Variants in IQCE observed in about 807,000 individuals in gnomAD.
IQCE encodes IQ motif containing E.
Under a neutral mutation model 96.0 loss-of-function variants are expected in IQCE, and 115 were observed. The observed-to-expected ratio is 1.20, with a 90% CI of 1.03 to 1.40. The LOEUF is 1.40. Among genes scored for constraint, IQCE ranks in the 40% most tolerant of loss-of-function variants. The pLI is 0.00. For synonymous variants in IQCE, 412 were observed against 371.2 expected, an observed-to-expected ratio of 1.11 and a Z score of -1.26; for missense variants, 1,041 against 909.1, an observed-to-expected ratio of 1.15 and a Z score of -1.87.
At chr7:2,577,735 A>G (rs1394031809) in intron 6 of IQCE, among the ~76,000 whole-genome samples, 38 of 53,836 alleles carry the variant, frequency 7.1e-4, no homozygotes, top group Middle Eastern at 0.017. Context: ...TGTGCGGCGT[A>G]TACGCATTGG....
chr7:2,583,013 G>T (rs1238879266), intron 9 of IQCE, among the ~76,000 whole-genome samples: 4 of 152,034 alleles, frequency 2.6e-5, no homozygotes, highest in African/African-American at 9.7e-5. Flanking sequence ...GTCTTTCTGG[G>T]CTGTGTTTTG....
At position 2,595,815 on chromosome 7, in the gene IQCE, T is replaced by C. The variant is rs544933543; in HGVS notation, c.1440+839T>C. On this transcript the variant is annotated intron_variant, in intron 16 of 21. Transcript: ENST00000402050. ...TTCCTGGAGGGTCGCAGCCATGCTC[T>C]GCTCACCATGGCCGGTGCTGCACTT... Among the ~76,000 whole-genome samples, 368 of 149,326 alleles carry C rather than the reference T, an allele frequency of 2.5e-3. 2 individuals carry two copies. Among genetic ancestry groups the C allele is most frequent in the African/African-American group, 8.5e-3 (344 of 40,360 alleles).
rs186124294 is a variant in IQCE at position 2,596,061 on chromosome 7, C to G, written c.1440+1085C>G. ...GCATGTTCAGACGAAAAGCAAGGAA[C>G]TTGGTGTCACCATCCTGAGGCTGCA... On this transcript the variant is annotated intron_variant, in intron 16 of 21. Coordinates refer to ENST00000402050, the MANE Select transcript of IQCE (RefSeq NM_152558.5). Among the ~76,000 whole-genome samples the G allele has an allele frequency of 6.3e-3, 964 of 152,340 alleles. 9 individuals are homozygous for G. Among genetic ancestry groups the G allele is most frequent in the South Asian group, 0.027 (130 of 4,834 alleles).
At chr7:2,565,133 A>T (rs112845164) in intron 1 of IQCE, among the ~76,000 whole-genome samples, 9 of 147,140 alleles carry the variant, frequency 6.1e-5, no homozygotes, top group East Asian at 4.0e-4. Context: ...CATGTGTGTG[A>T]GTGTGTGTGT....
In IQCE at chr7:2,593,031, G is replaced by A. The variant is rs190207830; in HGVS notation, c.1254G>A (p.Val418=). Residue 418 remains valine (V), a synonymous_variant, in exon 15 of 22, where the codon GTG becomes GTA. Coordinates refer to ENST00000402050, the MANE Select transcript of IQCE (RefSeq NM_152558.5). ...QEQLLQRDLE[V]KQLLQAKADL... Reference sequence around the variant, plus strand: ...CTATTCTTGTGTGCAGTTTGGAGGTGAAGCAGCTCCTGCAGGCGAAGGCCG... The same window carrying A: ...CTATTCTTGTGTGCAGTTTGGAGGTAAAGCAGCTCCTGCAGGCGAAGGCCG... 3 of 1,607,060 alleles carry A rather than the reference G, an allele frequency of 1.9e-6. No homozygotes were observed. The highest frequency in any genetic ancestry group is 4.5e-5 in the East Asian group (2 of 44,690).
At position 2,567,104 on chromosome 7, in the gene IQCE, C is replaced by T; in HGVS notation, c.37-12C>T. ...TGCCGTCGAGTTACAGTGTTTGCCT[C>T]TCTTCCTCCAGGGAGATGACAGTCT... On this transcript the variant is annotated splice_polypyrimidine_tract_variant and intron_variant, in intron 1 of 21. Coordinates refer to ENST00000402050, the MANE Select transcript of IQCE (RefSeq NM_152558.5). 6.2e-7 allele frequency: 1 copy of T among 1,613,362 alleles called. No individual in the cohort carries two copies.
chr7:2,572,827 A>T (rs1781857836), intron 5 of IQCE: 1 of 441,818 alleles, frequency 2.3e-6, no homozygotes, highest in South Asian at 1.6e-5. Context: ...TACAGGCATG[A>T]GCCACCGTGC....
intron 3 of IQCE, among the ~76,000 whole-genome samples, chr7:2,571,178 C>A (rs1433284961): frequency 6.6e-6 from 1 of 152,038 alleles, no homozygotes; most frequent in Non-Finnish European, 1.5e-5. Flanking sequence ...GCCACCACAC[C>A]CAGCTAATTT....
In IQCE at chr7:2,612,897, G is replaced by A. The variant is rs1053117975; in HGVS notation, c.*2735G>A. ...AAAGTAGACAACTCCCGGGGGAGAC[G>A]AAGTAGAGAGTGAGTCCCCAAGAAA... On this transcript the variant is annotated 3_prime_UTR_variant, in exon 22 of 22. Coordinates refer to ENST00000402050, the MANE Select transcript of IQCE (RefSeq NM_152558.5). 1 of 152,148 alleles carries A rather than the reference G, an allele frequency of 6.6e-6. No homozygotes were observed. Among genetic ancestry groups the A allele is most frequent in the Non-Finnish European group, 1.5e-5 (1 of 68,018 alleles). The allele number at this position is 152,148 out of a possible 1,614,324, so 9.4% of individuals were successfully genotyped here.
chr7:2,570,627 T>A (rs1165632218), intron 3 of IQCE, among the ~76,000 whole-genome samples: 1 of 152,164 alleles, frequency 6.6e-6, no homozygotes, highest in African/African-American at 2.4e-5. Context: ...TTTCAGACCC[T>A]ACTGACATAC....
chr7:2,584,459 T>C (rs1583450280), intron 11 of IQCE, 174 bp downstream of exon 11: 3 of 699,098 alleles, frequency 4.3e-6, no homozygotes, highest in East Asian at 5.2e-5. Flanking sequence ...CCATTTGCAG[T>C]GTTCACAGAC....
chr7:2,605,005 G>A lies in IQCE; in HGVS notation c.1743+14G>A. 6.3e-7 allele frequency: 1 copy of A among 1,578,500 alleles called. No homozygotes were observed. Among genetic ancestry groups the A allele is most frequent in the South Asian group, 1.1e-5 (1 of 90,278 alleles). ...CTCCCAGACCAGGTAATGTCGGGGT[G>A]CTGGACGTCCCAGTGGCCATCTGCA... On this transcript the variant is annotated intron_variant, in intron 19 of 21. Transcript: ENST00000402050.
intron 4 of IQCE, among the ~76,000 whole-genome samples, 167 bp from the exon 5 acceptor site, chr7:2,572,021 TATTA>T (rs1287324206): frequency 2.0e-5 from 3 of 152,204 alleles, no homozygotes; most frequent in Non-Finnish European, 4.4e-5. Flanking sequence ...ATCAGGACTG[TATTA>T]ATTGATATTT....
At chr7:2,576,421 C>CT (rs931209279) in intron 6 of IQCE, among the ~76,000 whole-genome samples, 23 of 148,538 alleles carry the variant, frequency 1.5e-4, no homozygotes, top group South Asian at 6.7e-4. Flanking sequence ...CTTTTTTTTT[C>CT]TTTTTTTTTG....
chr7:2,605,707 C>T (rs1472503457), intron 19 of IQCE, among the ~76,000 whole-genome samples, 169 bp from the exon 20 acceptor site: 1 of 152,098 alleles, frequency 6.6e-6, no homozygotes, highest in Non-Finnish European at 1.5e-5. Flanking sequence ...TCAGAACCTG[C>T]CACCAGGAGG....
rs10235545 is a variant in IQCE, at chr7:2,594,750, A to G, written c.1350-136A>G. 0.011 allele frequency: 7,505 copies of G among 696,676 alleles called. 384 individuals carry two copies. The African/African-American group carries it at 0.11, about 11-fold the overall frequency. 43.2% of individuals were successfully genotyped at this position (696,676 alleles called of 1,614,324 possible). A position where few individuals can be genotyped will look rare whatever the true frequency, so the allele number is the denominator to read the frequency against. ...CTGGAGCCCTGTGGCTCAGGGAGAC[A>G]TGGCCCCACCAGCTCTCTACAGGCT... On this transcript the variant is annotated intron_variant, in intron 15 of 21. Coordinates refer to ENST00000402050, the MANE Select transcript of IQCE (RefSeq NM_152558.5).
At chr7:2,578,983 T>A (rs1562639190) in intron 8 of IQCE, among the ~76,000 whole-genome samples, 1 of 150,994 alleles carries the variant, frequency 6.6e-6, no homozygotes, top group Non-Finnish European at 1.5e-5. Flanking sequence ...TGCTTGAACC[T>A]GTATGGCAGA....
chr7:2,594,157 G>C (rs1401931924), intron 15 of IQCE, among the ~76,000 whole-genome samples: 1 of 152,234 alleles, frequency 6.6e-6, no homozygotes, highest in Non-Finnish European at 1.5e-5. Context: ...CTACTTGGGA[G>C]GCTGAGGCAG....
chr7:2,593,299 G>C (rs759206771), intron 15 of IQCE, among the ~76,000 whole-genome samples, 173 bp downstream of exon 15: 5 of 152,256 alleles, frequency 3.3e-5, no homozygotes, highest in African/African-American at 4.8e-5. Context: ...ACCTCTTGGT[G>C]CTGAGCAGGG....
Sources: gnomAD v4.1 joint callset for allele counts (sites outside exome capture counted in the v4.1 genomes callset) on GRCh38, gnomAD v4.1.1 for gene constraint, MANE v1.5 for transcripts, NCBI Gene and HGNC (gene_info 2026-07-23, HGNC 2026-07-21) for gene names.